NTRK2: variants seen among roughly 807,000 people sequenced by gnomAD.
The protein encoded by NTRK2 is BDNF/NT-3 growth factors receptor.
A neutral mutation model predicts 94.5 loss-of-function variants in NTRK2; 13 were observed. The observed-to-expected ratio is 0.14, with a 90% CI of 0.09 to 0.22. NTRK2 has a LOEUF of 0.22. Ranked by LOEUF, NTRK2 falls within the 10% of genes least tolerant of loss-of-function variation. The probability of loss-of-function intolerance (pLI) is 1.00; values close to 1 mark genes in which losing one functional copy is unlikely to be tolerated. For synonymous variants in NTRK2, 372 were observed against 407.4 expected (o/e 0.91, Z 1.05); for missense variants, 639 against 1,071.2 (o/e 0.60, Z 5.63).
chr9:84,785,280 G>A (rs937282859), intron 12 of NTRK2, among the ~76,000 whole-genome samples: 7 of 152,152 alleles, frequency 4.6e-5, no homozygotes, highest in Non-Finnish European at 5.9e-5. Flanking sequence ...ACCAAAACTT[G>A]CGTCATAGGT....
At chr9:84,998,611 T>A (rs1830021538) in intron 17 of NTRK2, among the ~76,000 whole-genome samples, 1 of 152,168 alleles carries the variant, frequency 6.6e-6, no homozygotes, top group Admixed American at 6.5e-5. Context: ...CCCAGTTGAA[T>A]CCTCCCCTGT....
intron 12 of NTRK2, among the ~76,000 whole-genome samples, chr9:84,837,488 T>C (rs1006245625): frequency 3.9e-5 from 6 of 152,194 alleles, no homozygotes; most frequent in Non-Finnish European, 7.3e-5. Flanking sequence ...TACAGATATA[T>C]ATAAAGTGCT....
At chr9:84,749,231 A>G (rs2064365675) in intron 11 of NTRK2, among the ~76,000 whole-genome samples, 1 of 152,094 alleles carries the variant, frequency 6.6e-6, no homozygotes, top group Non-Finnish European at 1.5e-5. Flanking sequence ...TCCGTCTCAA[A>G]AAAAAAAAAG....
At chr9:84,681,273 A>G (rs547351470) in intron 2 of NTRK2, among the ~76,000 whole-genome samples, 1 of 152,282 alleles carries the variant, frequency 6.6e-6, no homozygotes, top group South Asian at 2.1e-4. Flanking sequence ...ACCCATTGCC[A>G]GTGTTCCCTA....
intron 12 of NTRK2, among the ~76,000 whole-genome samples, chr9:84,800,889 G>T (rs1018695130): frequency 6.6e-6 from 1 of 152,016 alleles, no homozygotes; most frequent in Admixed American, 6.6e-5. Context: ...TTGGAATTTT[G>T]GGGCCACTCT....
At chr9:84,902,945 G>A (rs1000851893) in intron 14 of NTRK2, among the ~76,000 whole-genome samples, 6 of 152,124 alleles carry the variant, frequency 3.9e-5, no homozygotes, top group Admixed American at 2.6e-4. Context: ...CATTCACACA[G>A]TTTCACATGC....
At chr9:84,767,809 T>C (rs2378671) in intron 12 of NTRK2, among the ~76,000 whole-genome samples, 78,937 of 152,104 alleles carry the variant, frequency 0.52, 24,557 homozygotes, top group South Asian at 0.68. Flanking sequence ...AATTCGATTC[T>C]TCTTAATTCT....
chr9:84,909,666 A>C (rs1373484692), intron 14 of NTRK2, among the ~76,000 whole-genome samples: 1 of 151,986 alleles, frequency 6.6e-6, no homozygotes, highest in Non-Finnish European at 1.5e-5. Context: ...TTCACCCTGC[A>C]TTTCCCTCAT....
chr9:84,773,772 T>C (rs964973257), intron 12 of NTRK2, among the ~76,000 whole-genome samples: 6 of 152,226 alleles, frequency 3.9e-5, no homozygotes, highest in South Asian at 2.1e-4. Context: ...ATCTTTTTTT[T>C]CCCCTTTCAC....
intron 16 of NTRK2, among the ~76,000 whole-genome samples, chr9:84,954,595 A>G (rs1169130116): frequency 6.6e-6 from 1 of 152,264 alleles, no homozygotes; most frequent in Non-Finnish European, 1.5e-5. Flanking sequence ...AGGGGTGGAC[A>G]GAAGGAAATG....
intron 14 of NTRK2, among the ~76,000 whole-genome samples, chr9:84,883,063 G>A (rs1379923483): frequency 6.6e-6 from 1 of 152,122 alleles, no homozygotes; most frequent in Admixed American, 6.5e-5. Context: ...CACCACACCT[G>A]GCCTGCTAGA....
rs537759962 is a variant in NTRK2 at position 84,733,490 on chromosome 9, G to A, written c.1159+5531G>A. On this transcript the variant is annotated intron_variant, in intron 9 of 18. Coordinates refer to ENST00000277120, the MANE Select transcript of NTRK2 (RefSeq NM_006180.6). ...AGGGTCCTGGGCTACCCCTTGCAGC[G>A]AGTTGTAACACTTGAGACAACGTAG... 8.5e-5 allele frequency among the ~76,000 whole-genome samples: 13 copies of A among 152,290 alleles called. 1 individual carries two copies. The South Asian group carries it at 2.7e-3, about 32-fold the overall frequency.
chr9:84,879,380 A>T (rs1445464563), intron 14 of NTRK2, among the ~76,000 whole-genome samples: 2 of 152,210 alleles, frequency 1.3e-5, no homozygotes, highest in Admixed American at 6.5e-5. Flanking sequence ...ACATTTGCTA[A>T]GCTGAAGATA....
intron 17 of NTRK2, among the ~76,000 whole-genome samples, chr9:85,000,910 C>A (rs1300809230): frequency 6.6e-6 from 1 of 152,180 alleles, no homozygotes; most frequent in East Asian, 1.9e-4. Context: ...TGCTCCACAT[C>A]CTCATCAACA....
At chr9:84,903,536 T>C (rs1385774672) in intron 14 of NTRK2, among the ~76,000 whole-genome samples, 2 of 152,186 alleles carry the variant, frequency 1.3e-5, no homozygotes, top group Non-Finnish European at 2.9e-5. Context: ...AAAGTCTTAA[T>C]CTCAATGCAT....
chr9:85,022,286 C>T lies in NTRK2; in HGVS notation c.*849C>T, dbSNP rs895076000. ...CCATGGATGATTCTTTTCCCATCAC[C>T]AGAAATGATAGCGTGCAGTAGAGAG... is the stretch of plus-strand genomic sequence containing the variant. On this transcript the variant is annotated 3_prime_UTR_variant, in exon 19 of 19. Transcript: ENST00000277120. 6.9e-5 allele frequency: 16 copies of T among 233,022 alleles called. No homozygotes were observed. Among genetic ancestry groups the T allele is most frequent in the African/African-American group, 3.5e-4 (16 of 45,328 alleles). The allele number at this position is 233,022 out of a possible 1,614,324, so 14.4% of individuals were successfully genotyped here.
intron 14 of NTRK2, among the ~76,000 whole-genome samples, chr9:84,915,550 T>G (rs564626511): frequency 1.3e-5 from 2 of 152,152 alleles, no homozygotes; most frequent in Non-Finnish European, 2.9e-5. Flanking sequence ...TCTGAGGCCC[T>G]CTCCAGAAGC....
chr9:84,724,230 A>G lies in NTRK2; in HGVS notation c.727A>G (p.Thr243Ala), dbSNP rs2062282435. The change falls in exon 8 of 19, where the codon ACA (threonine) becomes GCA (alanine). Residue 243 changes from threonine (T) to alanine (A), a missense_variant. Around this residue, in one of 5 missense-constraint regions of NTRK2, gnomAD observed 343 missense variants for 571.5 expected, o/e 0.60. Transcript: ENST00000277120. ...GNLVSKHMNE[T>A]SHTQGSLRIT... ...TCTGTTAATTCATTTGTAGAATGAAACAAGCCACACACAGGGCTCCTTAAG... is the reference window on the plus strand; with the variant it reads ...TCTGTTAATTCATTTGTAGAATGAAGCAAGCCACACACAGGGCTCCTTAAG... 1 of 1,614,174 alleles carries G rather than the reference A, an allele frequency of 6.2e-7. No homozygotes were observed. The highest frequency in any genetic ancestry group is 8.5e-7 in the Non-Finnish European group (1 of 1,179,996).
chr9:85,004,494 G>C (rs1367472941), intron 17 of NTRK2, among the ~76,000 whole-genome samples: 1 of 152,140 alleles, frequency 6.6e-6, no homozygotes, highest in Non-Finnish European at 1.5e-5. Flanking sequence ...GATTAAAGTA[G>C]ATATTAACCA....
Sources: gnomAD v4.1 joint callset for allele counts (sites outside exome capture counted in the v4.1 genomes callset) on GRCh38, gnomAD v4.1.1 for gene constraint, gnomAD v4.1.1 regional missense constraint, MANE v1.5 for transcripts, NCBI Gene and HGNC (gene_info 2026-07-23, HGNC 2026-07-21) for gene names.